PHLDB1: variants seen among roughly 807,000 people sequenced by gnomAD.
The protein encoded by PHLDB1 is pleckstrin homology-like domain family B member 1.
Under a neutral mutation model 139.3 loss-of-function variants are expected in PHLDB1, and 65 were observed. That is an observed-to-expected ratio of 0.47 (90% confidence interval 0.38 to 0.57). The LOEUF (loss-of-function observed/expected upper bound fraction) is 0.57. PHLDB1 is among the 20% of genes least tolerant of loss of function. The pLI is 0.00. For synonymous variants in PHLDB1, 679 were observed against 734.5 expected (o/e 0.92, Z 1.22); for missense variants, 1,624 against 1,839.7 (o/e 0.88, Z 2.14).
chr11:118,625,439 G>A (rs1943686134), intron 5 of PHLDB1, among the ~76,000 whole-genome samples: 2 of 152,236 alleles, frequency 1.3e-5, no homozygotes, highest in African/African-American at 2.4e-5. Flanking sequence ...GTAAGCTGTG[G>A]TGGGGATCAT....
intron 1 of PHLDB1, 70 bp from the exon 2 acceptor site, chr11:118,613,746 C>A: frequency 1.1e-6 from 1 of 918,746 alleles, no homozygotes; most frequent in Non-Finnish European, 1.7e-6. Flanking sequence ...GAGAACCCTG[C>A]CACAGAACCT....
chr11:118,635,632 T>G (rs1323023225), intron 10 of PHLDB1, 84 bp downstream of exon 10: 2 of 1,228,170 alleles, frequency 1.6e-6, no homozygotes, highest in Admixed American at 3.5e-5. Context: ...AAAAGTTAAC[T>G]TCGTCTTTTG....
At chr11:118,614,813 C>A in intron 3 of PHLDB1, 131 bp downstream of exon 3, 4 of 835,756 alleles carry the variant, frequency 4.8e-6, no homozygotes, top group Non-Finnish European at 7.3e-6. Context: ...ACACCACCAG[C>A]TTGCTTCCCT....
intron 7 of PHLDB1, 66 bp from the exon 8 acceptor site, chr11:118,631,847 C>A: frequency 1.3e-6 from 2 of 1,510,806 alleles, no homozygotes; most frequent in Non-Finnish European, 1.8e-6. Flanking sequence ...AACAGGTGAT[C>A]CATTTTCTTA....
intron 20 of PHLDB1, chr11:118,655,371 G>C (rs1299916473): frequency 4.7e-6 from 2 of 424,954 alleles, no homozygotes; most frequent in African/African-American, 4.0e-5. Flanking sequence ...ATTGGGGTAG[G>C]TGAGAAGTGG....
At chr11:118,637,991 TACAG>T (rs1268975093) in intron 10 of PHLDB1, 2 of 152,244 alleles carry the variant, frequency 1.3e-5, no homozygotes, top group Admixed American at 6.5e-5. Context: ...CAGATGGTGA[TACAG>T]AAGAATGTGA....
At chr11:118,637,836 C>T (rs1265169989) in intron 10 of PHLDB1, 3 of 152,198 alleles carry the variant, frequency 2.0e-5, no homozygotes, top group Non-Finnish European at 4.4e-5. Context: ...CTTTTCATTT[C>T]CTTTTAGCAC....
chr11:118,656,820 C>G lies in PHLDB1; in HGVS notation c.4131C>G (p.Asn1377Lys), dbSNP rs782475247. ...TGAEGYTQFM[N>K] is the part of the protein sequence containing the mutation. ...CTGAGGGCTACACTCAGTTCATGAA[C>G]TAACTGCCGTGGGCCTCCTGGCAGA... is the stretch of plus-strand genomic sequence containing the variant. Residue 1377 changes from asparagine to lysine, a missense_variant, in exon 23 of 23, where the codon AAC becomes AAG. Coordinates refer to ENST00000600882, the MANE Select transcript of PHLDB1 (RefSeq NM_001144758.3). 7.6e-5 allele frequency: 122 copies of G among 1,611,246 alleles called. 1 individual carries two copies. In the South Asian group the frequency reaches 1.3e-3, roughly 17 times the overall value.
intron 4 of PHLDB1, among the ~76,000 whole-genome samples, chr11:118,617,389 C>T (rs1162463800): frequency 6.6e-6 from 1 of 152,124 alleles, no homozygotes; most frequent in Non-Finnish European, 1.5e-5. Flanking sequence ...ACTCCACTGT[C>T]TCCTTCTCTC....
Position 118,627,685 on chromosome 11 carries a change from C to G in PHLDB1, c.862C>G (p.Arg288Gly). Residue 288 changes from arginine (R) to glycine (G), a missense_variant, in exon 6 of 23, where the codon CGT (arginine) becomes GGT (glycine). Coordinates refer to ENST00000600882, the MANE Select transcript of PHLDB1 (RefSeq NM_001144758.3). ...TTCTGTGCCCCCGCTGGTACCTGCC[C>G]GTTCCTCCAGCTACCATCTGGCCCT... ...GPSVPPLVPA[R>G]SSSYHLALQP... 1 of 1,610,818 alleles carries G rather than the reference C, an allele frequency of 6.2e-7. No individual in the cohort carries two copies. The highest frequency in any genetic ancestry group is 8.5e-7 in the Non-Finnish European group (1 of 1,180,028).
chr11:118,648,567 C>T (rs1356823404), intron 18 of PHLDB1, among the ~76,000 whole-genome samples: 1 of 152,064 alleles, frequency 6.6e-6, no homozygotes, highest in Non-Finnish European at 1.5e-5. Flanking sequence ...GGCCCACACC[C>T]CACAGGACCT....
chr11:118,624,840 C>T (rs1943569444), intron 4 of PHLDB1, 94 bp from the exon 5 acceptor site: 3 of 1,328,056 alleles, frequency 2.3e-6, no homozygotes, highest in Middle Eastern at 1.9e-4. Flanking sequence ...CAACTCCCGA[C>T]CTCAGGTGAT....
intron 1 of PHLDB1, among the ~76,000 whole-genome samples, chr11:118,612,364 T>G (rs782726723): frequency 2.6e-5 from 4 of 152,132 alleles, no homozygotes; most frequent in African/African-American, 7.2e-5. Context: ...TTACATAAAC[T>G]CCCCATTCCC....
chr11:118,632,615 C>T lies in PHLDB1; in HGVS notation c.2379+319C>T. The T allele has an allele frequency of 5.9e-6, 2 of 340,192 alleles. No individual in the cohort carries two copies. Among genetic ancestry groups the T allele is most frequent in the Non-Finnish European group, 1.1e-5 (2 of 184,074 alleles). 21.1% of individuals were successfully genotyped at this position (340,192 alleles called of 1,614,324 possible). A position where few individuals can be genotyped will look rare whatever the true frequency, so the allele number is the denominator to read the frequency against. On this transcript the variant is annotated intron_variant, in intron 9 of 22. Coordinates refer to ENST00000600882, the MANE Select transcript of PHLDB1 (RefSeq NM_001144758.3). The surrounding 1 kb of genome is among the most constrained non-coding windows in gnomAD (Gnocchi z 5.9). The stretch of plus-strand genomic sequence containing the variant: ...CCCTTCTTGGGCAGTGAGCACAGCC[C>T]AAGGGACTGACATTGGGGAGTGATT...
In PHLDB1 at chr11:118,616,078, A is replaced by C; in HGVS notation, c.222A>C (p.Ser74=). The C allele has an allele frequency of 6.2e-7, 1 of 1,613,890 alleles. No homozygotes were observed. Among genetic ancestry groups the C allele is most frequent in the Non-Finnish European group, 8.5e-7 (1 of 1,179,852 alleles). ...TTGGCTCTGCAGCCAGAGACATCTCACTACAGGGCCCAGGCCTGGCTCCAG... is the reference window on the plus strand; with the variant it reads ...TTGGCTCTGCAGCCAGAGACATCTCCCTACAGGGCCCAGGCCTGGCTCCAG... ...TVIGSAARDI[S]LQGPGLAPEH... The change falls in exon 4 of 23, where the codon TCA becomes TCC. Residue 74 remains serine, a synonymous_variant. Coordinates refer to ENST00000600882, the MANE Select transcript of PHLDB1 (RefSeq NM_001144758.3).
chr11:118,640,126 GC>G, intron 12 of PHLDB1: 1 of 406,236 alleles, frequency 2.5e-6, no homozygotes, highest in Non-Finnish European at 3.3e-6. Context: ...TTCTTGGCTG[GC>G]CAGAGTTTGG....
rs782386722 is a variant in PHLDB1, at chr11:118,645,809, G to A, written c.3491G>A (p.Arg1164Gln). 3.1e-5 allele frequency: 50 copies of A among 1,611,160 alleles called. No homozygotes were observed. Among genetic ancestry groups the A allele is most frequent in the South Asian group, 6.6e-5 (6 of 91,006 alleles). Residue 1164 changes from arginine to glutamine, a missense_variant, in exon 17 of 23, where the codon CGG (arginine) becomes CAG (glutamine). By Grantham distance (43) the Arg-to-Gln change is conservative. Coordinates refer to ENST00000600882, the MANE Select transcript of PHLDB1 (RefSeq NM_001144758.3). The surrounding 1 kb of genome is among the most constrained non-coding windows in gnomAD (Gnocchi z 5.1). The stretch of plus-strand genomic sequence containing the variant: ...AAAGAGGCTCATGCAGAGAAGAACC[G>A]GCTCATGGAGTCGAGGGTGAGTCTG... ...MLKEAHAEKN[R>Q]LMESREREME...
rs978127494 is a variant in PHLDB1, at chr11:118,634,678, C to G, written c.2380-715C>G. ...TTCAGCTCCTGGCCTTGGGCCCTCT[C>G]CCTCTTCACCTCTTTCCCTCCTCAC... On this transcript the variant is annotated intron_variant, in intron 9 of 22. Coordinates refer to ENST00000600882, the MANE Select transcript of PHLDB1 (RefSeq NM_001144758.3). The G allele has an allele frequency of 2.3e-5, 5 of 218,024 alleles. No homozygotes were observed. The East Asian group carries it at 6.1e-4, about 27-fold the overall frequency. The allele number at this position is 218,024 out of a possible 1,614,324, so 13.5% of individuals were successfully genotyped here. A position where few individuals can be genotyped will look rare whatever the true frequency, so the allele number is the denominator to read the frequency against.
chr11:118,639,230 G>C lies in PHLDB1; in HGVS notation c.2715G>C (p.Lys905Asn). The change falls in exon 12 of 23, where the codon AAG becomes AAC. Residue 905 changes from lysine to asparagine, a missense_variant. Transcript: ENST00000600882. The stretch of plus-strand genomic sequence containing the variant: ...TCACAGGGGGCAGGCCTTTCCCGAA[G>C]ACCACATCGACCCTCAAAGAGGTAT... ...HSLTGGRPFP[K>N]TTSTLKEMEK... is the part of the protein sequence containing the mutation. 6.2e-7 allele frequency: 1 copy of C among 1,613,700 alleles called. No homozygotes were observed. The highest frequency in any genetic ancestry group is 8.5e-7 in the Non-Finnish European group (1 of 1,179,600).
Sources: gnomAD v4.1 joint callset for allele counts (sites outside exome capture counted in the v4.1 genomes callset) on GRCh38, gnomAD v4.1.1 for gene constraint, Gnocchi (gnomAD v3.1) non-coding constraint, MANE v1.5 for transcripts, NCBI Gene and HGNC (gene_info 2026-07-23, HGNC 2026-07-21) for gene names.